CCDC81: variants seen among roughly 807,000 people sequenced by gnomAD.
The protein encoded by CCDC81 is coiled-coil domain containing 81, also known as coiled-coil domain-containing protein 81.
A neutral mutation model predicts 83.7 loss-of-function variants in CCDC81; 79 were observed. That is an observed-to-expected ratio of 0.94 (90% CI 0.79 to 1.14). CCDC81 has a LOEUF of 1.14. CCDC81 is among the 50% of genes most tolerant of loss of function. The pLI is 0.00. For synonymous variants in CCDC81, 252 were observed against 278.1 expected, an observed-to-expected ratio of 0.91 and a Z score of 0.93; for missense variants, 791 against 778.1, an observed-to-expected ratio of 1.02 and a Z score of -0.20.
chr11:86,410,824 T>C (rs1480259352), intron 10 of CCDC81, among the ~76,000 whole-genome samples: 1 of 152,214 alleles, frequency 6.6e-6, no homozygotes, highest in East Asian at 1.9e-4. Context: ...GATCACAATA[T>C]TCCTTTCTCT....
rs1294549131 is a variant in CCDC81 at position 86,386,883 on chromosome 11, C to T, written c.142-633C>T. On this transcript the variant is annotated intron_variant, in intron 2 of 14. Coordinates refer to ENST00000445632, the MANE Select transcript of CCDC81 (RefSeq NM_001156474.2). ...CTCAAGATGTGCTCTCCCCTTTAGA[C>T]GGGGTGTGCAGTCCATAGCCATCAC... Among the ~76,000 whole-genome samples the T allele has an allele frequency of 4.6e-5, 7 of 152,174 alleles. No homozygotes were observed. The South Asian group carries it at 8.3e-4, about 18-fold the overall frequency.
chr11:86,401,875 GC>G (rs1948493886), intron 7 of CCDC81, among the ~76,000 whole-genome samples: 1 of 152,092 alleles, frequency 6.6e-6, no homozygotes, highest in African/African-American at 2.4e-5. Context: ...AGTGGCTCAC[GC>G]CTGTAATCCC....
rs202148316 is a variant in CCDC81 at position 86,408,196 on chromosome 11, A to T, written c.1039A>T (p.Arg347Ter). 2 of 1,614,054 alleles carry T rather than the reference A, an allele frequency of 1.2e-6. No individual in the cohort carries two copies. Among genetic ancestry groups the T allele is most frequent in the African/African-American group, 2.7e-5 (2 of 75,052 alleles). ...GTTGTACTACAGTGAGGAAAGGAGG[A>T]GAGAGATAGAAGATGAGAGACTCAT... ...SLLYYSEERR[R>*]EIEDERLIQQ... The change falls in exon 9 of 15, where the codon AGA (arginine) becomes TGA (stop). Residue 347 changes from arginine (R) to a stop codon, truncating the protein, a stop_gained. Transcript: ENST00000445632. LOFTEE classifies it high-confidence loss of function.
At chr11:86,391,776 T>C (rs1948332911) in intron 3 of CCDC81, among the ~76,000 whole-genome samples, 1 of 152,222 alleles carries the variant, frequency 6.6e-6, no homozygotes, top group Non-Finnish European at 1.5e-5. Flanking sequence ...CTTGCATTGC[T>C]ATAAAGAAAT....
intron 11 of CCDC81, among the ~76,000 whole-genome samples, chr11:86,413,849 G>A (rs1266138202): frequency 6.6e-6 from 1 of 152,172 alleles, no homozygotes; most frequent in Admixed American, 6.5e-5. Flanking sequence ...ATGTAGAGCG[G>A]CTTTCCCTCT....
intron 1 of CCDC81, among the ~76,000 whole-genome samples, chr11:86,378,095 G>A (rs1217473299): frequency 7.0e-6 from 1 of 143,142 alleles, no homozygotes; most frequent in Non-Finnish European, 1.5e-5. Context: ...GTATTTATAT[G>A]GGTCTATTCC....
chr11:86,395,017 C>G (rs1948384481), intron 4 of CCDC81: 1 of 184,778 alleles, frequency 5.4e-6, no homozygotes, highest in South Asian at 1.5e-4. Flanking sequence ...TGCTCACTTT[C>G]CAGATATTTT....
At chr11:86,417,322 T>C (rs879804577) in intron 13 of CCDC81, among the ~76,000 whole-genome samples, 5 of 148,266 alleles carry the variant, frequency 3.4e-5, no homozygotes, top group Non-Finnish European at 7.4e-5. Context: ...ATTTTTTAAA[T>C]TTTTTTTGTA....
intron 13 of CCDC81, among the ~76,000 whole-genome samples, chr11:86,418,395 T>C (rs921228815): frequency 2.0e-5 from 3 of 152,198 alleles, no homozygotes; most frequent in South Asian, 4.1e-4. Flanking sequence ...TCAAAAGATA[T>C]CTGTACAGCC....
Position 86,397,604 on chromosome 11 carries a change from T to C in CCDC81, c.636-17T>C, listed in dbSNP as rs1207293530. Reference sequence around the variant, plus strand: ...TCAGGTTCAGTGCAGCAGAAAAACATATTGGCTCATTCCTAGGATTGAGCT... The same window carrying C: ...TCAGGTTCAGTGCAGCAGAAAAACACATTGGCTCATTCCTAGGATTGAGCT... On this transcript the variant is annotated splice_polypyrimidine_tract_variant and intron_variant, in intron 5 of 14. Transcript: ENST00000445632. The C allele has an allele frequency of 6.2e-7, 1 of 1,604,602 alleles. No homozygotes were observed. Among genetic ancestry groups the C allele is most frequent in the Non-Finnish European group, 8.5e-7 (1 of 1,176,766 alleles).
intron 10 of CCDC81, among the ~76,000 whole-genome samples, chr11:86,411,236 T>C (rs951197327): frequency 3.9e-5 from 6 of 152,190 alleles, no homozygotes; most frequent in Non-Finnish European, 8.8e-5. Context: ...ACAGAGACTT[T>C]TTTTCTGCTC....
chr11:86,389,382 C>T (rs562101061), intron 3 of CCDC81, among the ~76,000 whole-genome samples: 1 of 152,308 alleles, frequency 6.6e-6, no homozygotes, highest in Admixed American at 6.5e-5. Context: ...TGTTCTCACA[C>T]TGTTATAAAT....
chr11:86,393,282 C>T (rs915713484), intron 4 of CCDC81, among the ~76,000 whole-genome samples: 2 of 152,084 alleles, frequency 1.3e-5, no homozygotes, highest in Non-Finnish European at 2.9e-5. Context: ...AGGCTGGTCT[C>T]GAACTCCTGG....
chr11:86,397,475 T>G (rs1032827172), intron 5 of CCDC81, 146 bp from the exon 6 acceptor site: 5 of 859,782 alleles, frequency 5.8e-6, no homozygotes, highest in Non-Finnish European at 8.6e-6. Context: ...TGATATGTAC[T>G]TAGCACATCA....
chr11:86,409,040 T>C (rs938599319), intron 9 of CCDC81, among the ~76,000 whole-genome samples: 16 of 152,122 alleles, frequency 1.1e-4, no homozygotes, highest in Non-Finnish European at 2.2e-4. Context: ...CTTAGATCCC[T>C]CTAGTGGTGG....
intron 8 of CCDC81, 50 bp downstream of exon 8, chr11:86,407,751 T>C: frequency 4.2e-6 from 6 of 1,411,800 alleles, no homozygotes; most frequent in Non-Finnish European, 5.9e-6. Flanking sequence ...ATACTGATTT[T>C]TGTTTCTCAA....
Position 86,400,772 on chromosome 11 carries a change from G to C in CCDC81, c.852G>C (p.Glu284Asp). 1 of 1,612,124 alleles carries C rather than the reference G, an allele frequency of 6.2e-7. No homozygotes were observed. The highest frequency in any genetic ancestry group is 8.5e-7 in the Non-Finnish European group (1 of 1,178,402). Residue 284 changes from glutamate (E) to aspartate (D), a missense_variant, in exon 7 of 15, where the codon GAG becomes GAC. Physicochemically the swap from Glu to Asp is conservative, Grantham distance 45 (BLOSUM62 2). Transcript: ENST00000445632. ...VSLLEKFERS[E>D]SGGKIMTPES... ...TGCTGGAAAAGTTTGAACGAAGTGAGAGTGGTGGGAAGATTATGACCCCTG... is the reference window on the plus strand; with the variant it reads ...TGCTGGAAAAGTTTGAACGAAGTGACAGTGGTGGGAAGATTATGACCCCTG...
intron 14 of CCDC81, among the ~76,000 whole-genome samples, chr11:86,420,705 T>A (rs987311278): frequency 1.3e-5 from 2 of 152,246 alleles, no homozygotes; most frequent in Admixed American, 6.5e-5. Context: ...TTTTTAATCA[T>A]GGATAAAATT....
intron 7 of CCDC81, among the ~76,000 whole-genome samples, chr11:86,405,785 CTTTTTT>C (rs146946869): frequency 7.8e-6 from 1 of 128,628 alleles, no homozygotes; most frequent in Non-Finnish European, 1.7e-5. Flanking sequence ...CTTCTTTTTT[CTTTTTT>C]TTTTTTTTTT....
Sources: gnomAD v4.1 joint callset for allele counts (sites outside exome capture counted in the v4.1 genomes callset) on GRCh38, gnomAD v4.1.1 for gene constraint, MANE v1.5 for transcripts, NCBI Gene and HGNC (gene_info 2026-07-23, HGNC 2026-07-21) for gene names.